The following CCSER1 variants were observed in gnomAD, a reference collection of about 807,000 sequenced individuals.
The protein encoded by CCSER1 is serine-rich coiled-coil domain-containing protein 1.
In CCSER1, 41 loss-of-function variants were observed where a neutral mutation model predicts 82.0. That is an observed-to-expected ratio of 0.50 (90% CI 0.39 to 0.65). The LOEUF is 0.65. Among genes scored for constraint, CCSER1 ranks in the 30% least tolerant of loss-of-function variants. CCSER1 has a pLI of 0.00. For missense variants in CCSER1, 1,119 were observed against 1,064.2 expected (o/e 1.05, Z -0.72); for synonymous variants, 414 against 383.9 (o/e 1.08, Z -0.92).
chr4:90,574,923 C>T (rs1033219516), intron 5 of CCSER1, among the ~76,000 whole-genome samples: 1 of 151,840 alleles, frequency 6.6e-6, no homozygotes, highest in Non-Finnish European at 1.5e-5. Context: ...AGGGAGGAGC[C>T]GAAAGTATTT....
chr4:90,487,621 G>T (rs76341828), intron 5 of CCSER1, among the ~76,000 whole-genome samples: 1,796 of 152,284 alleles, frequency 0.012, 14 homozygotes, highest in South Asian at 0.022. Context: ...ACAGCTGAAA[G>T]AATGAATATT....
intron 1 of CCSER1, among the ~76,000 whole-genome samples, chr4:90,247,097 A>G (rs1043045230): frequency 1.3e-5 from 2 of 152,206 alleles, no homozygotes; most frequent in Non-Finnish European, 2.9e-5. Context: ...GATGATTCAC[A>G]TGAGGAACAA....
intron 10 of CCSER1, among the ~76,000 whole-genome samples, chr4:91,153,500 A>C (rs562287576): frequency 6.6e-6 from 1 of 152,034 alleles, no homozygotes; most frequent in Admixed American, 6.5e-5. Context: ...GATCTTCTGA[A>C]GCCTTCTTCT....
At chr4:90,850,631 A>T (rs1002826198) in intron 8 of CCSER1, among the ~76,000 whole-genome samples, 1 of 152,204 alleles carries the variant, frequency 6.6e-6, no homozygotes, top group Non-Finnish European at 1.5e-5. Context: ...GTTTTGGCCA[A>T]TTTCTCTCAT....
At chr4:90,843,328 G>A (rs933999908) in intron 8 of CCSER1, among the ~76,000 whole-genome samples, 14 of 152,184 alleles carry the variant, frequency 9.2e-5, no homozygotes, top group African/African-American at 3.4e-4. Flanking sequence ...ATTTTCAGGT[G>A]GCTCTTTGAT....
chr4:90,276,251 T>TTTCCTTCCTTCC lies in CCSER1; in HGVS notation c.-41-31946_-41-31935dup, dbSNP rs1225474182. ...CTTTCTTTCTTTCTTTCTTTCTTTC[T>TTTCCTTCCTTCC]TTCCTTCCTTCCTTCCTTCCTTCCT... On this transcript the variant is annotated intron_variant, in intron 1 of 10. Coordinates refer to ENST00000509176, the MANE Select transcript of CCSER1 (RefSeq NM_001145065.2). 7.8e-4 allele frequency among the ~76,000 whole-genome samples: 60 copies of TTTCCTTCCTTCC among 76,836 alleles called. 2 individuals carry two copies. The highest frequency in any genetic ancestry group is 2.8e-3 in the East Asian group (7 of 2,494). 50.4% of individuals were successfully genotyped at this position (76,836 alleles called of 152,430 possible).
intron 10 of CCSER1, among the ~76,000 whole-genome samples, chr4:91,125,844 T>C (rs1181511656): frequency 6.6e-6 from 1 of 151,530 alleles, no homozygotes; most frequent in Non-Finnish European, 1.5e-5. Flanking sequence ...CAAGAATTAG[T>C]TTTTTAAAAA....
intron 8 of CCSER1, chr4:90,918,267 C>G (rs1190039300): frequency 4.4e-6 from 2 of 455,086 alleles, no homozygotes; most frequent in African/African-American, 2.0e-5. Context: ...CCATCATGTT[C>G]CAAGTTTTTG....
At chr4:90,544,101 G>A (rs946805822) in intron 5 of CCSER1, among the ~76,000 whole-genome samples, 1 of 152,130 alleles carries the variant, frequency 6.6e-6, no homozygotes, top group Admixed American at 6.6e-5. Context: ...GCCAGGTGAT[G>A]CCTGCACGTG....
At chr4:90,225,307 T>C (rs6823451) in intron 1 of CCSER1, among the ~76,000 whole-genome samples, 97,761 of 149,008 alleles carry the variant, frequency 0.66, 34,451 homozygotes, top group African/African-American at 0.92. Flanking sequence ...GACTCCTGGG[T>C]TCAAGCCTTC....
At chr4:91,510,473 C>T (rs1759756591) in intron 10 of CCSER1, among the ~76,000 whole-genome samples, 1 of 152,134 alleles carries the variant, frequency 6.6e-6, no homozygotes, top group Admixed American at 6.6e-5. Context: ...TCATTTTTCT[C>T]CACAGCCTTA....
chr4:90,374,074 C>T (rs143188391), intron 3 of CCSER1, among the ~76,000 whole-genome samples: 1 of 152,328 alleles, frequency 6.6e-6, no homozygotes, highest in East Asian at 1.9e-4. Flanking sequence ...AGCAGGCTAA[C>T]TTATTAGCTT....
rs1018618130 is a variant in CCSER1, at chr4:90,978,631, T to C, written c.2172+55184T>C. 1.4e-4 allele frequency among the ~76,000 whole-genome samples: 21 copies of C among 151,692 alleles called. 1 individual carries two copies. Among genetic ancestry groups the C allele is most frequent in the Non-Finnish European group, 2.4e-4 (16 of 67,788 alleles). On this transcript the variant is annotated intron_variant, in intron 9 of 10. Coordinates refer to ENST00000509176, the MANE Select transcript of CCSER1 (RefSeq NM_001145065.2). ...TAGACTGAATAAAAATGAATCAGAGTGAGATTGAAATTGCAATCTCAAAAT... is the reference window on the plus strand; with the variant it reads ...TAGACTGAATAAAAATGAATCAGAGCGAGATTGAAATTGCAATCTCAAAAT...
At chr4:90,881,332 G>A (rs926039869) in intron 8 of CCSER1, among the ~76,000 whole-genome samples, 1 of 151,856 alleles carries the variant, frequency 6.6e-6, no homozygotes, top group East Asian at 1.9e-4. Flanking sequence ...AGAGAGAGAG[G>A]GGGGAAAGAG....
At chr4:91,432,805 A>T (rs1425863606) in intron 10 of CCSER1, among the ~76,000 whole-genome samples, 1 of 152,150 alleles carries the variant, frequency 6.6e-6, no homozygotes, top group East Asian at 1.9e-4. Context: ...TTCCCGTTTT[A>T]AAAAAGTTGA....
At chr4:91,365,483 TAGAG>T (rs1022674364) in intron 10 of CCSER1, among the ~76,000 whole-genome samples, 3 of 152,192 alleles carry the variant, frequency 2.0e-5, no homozygotes, top group African/African-American at 2.4e-5. Flanking sequence ...TAAACAAAAT[TAGAG>T]AGGATCTAGA....
chr4:90,792,892 G>A lies in CCSER1; in HGVS notation c.2011-22870G>A, dbSNP rs1288834341. ...ACTTGGCCTGGTGGATGGAGTAAAG[G>A]GGAGTGCTGATAGGGCTGGTACCTG... On this transcript the variant is annotated intron_variant, in intron 7 of 10. Coordinates refer to ENST00000509176, the MANE Select transcript of CCSER1 (RefSeq NM_001145065.2). Among the ~76,000 whole-genome samples the A allele has an allele frequency of 1.3e-5, 2 of 152,206 alleles. 1 individual carries two copies. The highest frequency in any genetic ancestry group is 2.9e-5 in the Non-Finnish European group (2 of 68,038).
intron 4 of CCSER1, among the ~76,000 whole-genome samples, chr4:90,448,072 T>C (rs1760903434): frequency 6.6e-6 from 1 of 152,154 alleles, no homozygotes; most frequent in South Asian, 2.1e-4. Context: ...TGTTTATTGC[T>C]TATGTGAAAT....
intron 9 of CCSER1, among the ~76,000 whole-genome samples, chr4:90,999,183 C>T (rs1049864763): frequency 1.3e-5 from 2 of 152,062 alleles, no homozygotes; most frequent in Admixed American, 6.6e-5. Flanking sequence ...AATAGTATTG[C>T]GATGAACATG....
Sources: gnomAD v4.1 joint callset for allele counts (sites outside exome capture counted in the v4.1 genomes callset) on GRCh38, gnomAD v4.1.1 for gene constraint, MANE v1.5 for transcripts, NCBI Gene and HGNC (gene_info 2026-07-23, HGNC 2026-07-21) for gene names.